Variants in NXPH1 observed in about 807,000 individuals in gnomAD.
The protein encoded by NXPH1 is neurexophilin 1.
In NXPH1, 5 loss-of-function variants were observed where a neutral mutation model predicts 23.7. The ratio of observed to expected loss-of-function variants is 0.21; its 90% CI spans 0.11 to 0.44. The LOEUF is 0.44. Ranked by LOEUF, NXPH1 falls within the 20% of genes least tolerant of loss-of-function variation. NXPH1 has a pLI of 0.99. For synonymous variants in NXPH1, 144 were observed against 122.2 expected, an observed-to-expected ratio of 1.18 and a Z score of -1.18; for missense variants, 324 against 321.6, an observed-to-expected ratio of 1.01 and a Z score of -0.06.
chr7:8,478,523 A>G (rs1196953743), intron 2 of NXPH1, among the ~76,000 whole-genome samples: 1 of 152,098 alleles, frequency 6.6e-6, no homozygotes, highest in East Asian at 1.9e-4. Context: ...TTTTGTAAAG[A>G]AAGATCCAAC....
intron 2 of NXPH1, among the ~76,000 whole-genome samples, chr7:8,529,023 C>T (rs1011120291): frequency 6.6e-6 from 1 of 152,222 alleles, no homozygotes; most frequent in African/African-American, 2.4e-5. Context: ...CAGTTGTTGG[C>T]AGAATTTAGC....
chr7:8,652,262 C>A (rs1317951272), intron 2 of NXPH1, among the ~76,000 whole-genome samples: 1 of 152,076 alleles, frequency 6.6e-6, no homozygotes, highest in African/African-American at 2.4e-5. Flanking sequence ...CAAGAAATAA[C>A]CAATGCTACA....
Position 8,645,279 on chromosome 7 carries a change from C to T in NXPH1, c.55-105729C>T, listed in dbSNP as rs953428366. Among the ~76,000 whole-genome samples, 33 of 152,110 alleles carry T rather than the reference C, an allele frequency of 2.2e-4. 1 individual carries two copies. Among genetic ancestry groups the T allele is most frequent in the African/African-American group, 7.5e-4 (31 of 41,516 alleles). ...CCAAAAGTTGTACCCAGTACATTTCCACAAGTTCTATGTCAAAGTTTTCAA... is the reference window on the plus strand; with the variant it reads ...CCAAAAGTTGTACCCAGTACATTTCTACAAGTTCTATGTCAAAGTTTTCAA... On this transcript the variant is annotated intron_variant, in intron 2 of 2. Transcript: ENST00000405863.
chr7:8,619,852 TACA>T (rs1392759464), intron 2 of NXPH1, among the ~76,000 whole-genome samples: 1 of 152,210 alleles, frequency 6.6e-6, no homozygotes, highest in East Asian at 1.9e-4. Context: ...ATCTCTATTT[TACA>T]ACAAGGAAGA....
At chr7:8,748,233 T>C (rs1464035829) in intron 2 of NXPH1, among the ~76,000 whole-genome samples, 11 of 152,338 alleles carry the variant, frequency 7.2e-5, no homozygotes, top group African/African-American at 2.6e-4. Flanking sequence ...ATGTGGTCCA[T>C]TTCTGCGATA....
At chr7:8,530,567 G>A (rs997566499) in intron 2 of NXPH1, among the ~76,000 whole-genome samples, 5 of 152,172 alleles carry the variant, frequency 3.3e-5, no homozygotes, top group African/African-American at 7.2e-5. Flanking sequence ...CCAGAAGGTC[G>A]TCTCTGAGGA....
At chr7:8,507,729 A>G (rs138670448) in intron 2 of NXPH1, among the ~76,000 whole-genome samples, 8 of 152,218 alleles carry the variant, frequency 5.3e-5, no homozygotes, top group South Asian at 2.1e-4. Flanking sequence ...AAATTAGTAC[A>G]GTTTACCAAC....
chr7:8,669,078 A>G (rs1820826244), intron 2 of NXPH1, among the ~76,000 whole-genome samples: 1 of 152,138 alleles, frequency 6.6e-6, no homozygotes, highest in African/African-American at 2.4e-5. Context: ...GAGCTTGAGT[A>G]TGTTCCAGCC....
intron 2 of NXPH1, among the ~76,000 whole-genome samples, chr7:8,479,809 T>TA (rs1396669516): frequency 6.6e-6 from 1 of 152,102 alleles, no homozygotes; most frequent in African/African-American, 2.4e-5. Flanking sequence ...TCAAAAGAGA[T>TA]AATAATTGCA....
chr7:8,684,610 A>C (rs6973655), intron 2 of NXPH1, among the ~76,000 whole-genome samples: 72 of 152,090 alleles, frequency 4.7e-4, no homozygotes, highest in African/African-American at 1.7e-3. Context: ...CTTACAGAAC[A>C]GTAACTGCAA....
At chr7:8,452,731 C>A (rs1816528864) in intron 2 of NXPH1, among the ~76,000 whole-genome samples, 1 of 152,098 alleles carries the variant, frequency 6.6e-6, no homozygotes, top group Admixed American at 6.6e-5. Flanking sequence ...AGACATATCT[C>A]AGTTTTCCTA....
chr7:8,517,869 G>C (rs140638072), intron 2 of NXPH1, among the ~76,000 whole-genome samples: 1 of 152,306 alleles, frequency 6.6e-6, no homozygotes, highest in East Asian at 1.9e-4. Flanking sequence ...GAACCGTTAG[G>C]AGTGAACAGA....
chr7:8,548,351 T>C (rs556604967), intron 2 of NXPH1, among the ~76,000 whole-genome samples: 50 of 151,692 alleles, frequency 3.3e-4, no homozygotes, highest in African/African-American at 1.2e-3. Flanking sequence ...CGACATTTTT[T>C]TCTTTAAGAA....
chr7:8,610,759 A>G (rs1562425057), intron 2 of NXPH1, among the ~76,000 whole-genome samples: 1 of 152,038 alleles, frequency 6.6e-6, no homozygotes, highest in Non-Finnish European at 1.5e-5. Flanking sequence ...AACTTAGAAC[A>G]ACTGAATTAG....
In NXPH1 at chr7:8,438,328, A is replaced by G. The variant is rs571222795; in HGVS notation, c.54+2561A>G. 2.6e-5 allele frequency among the ~76,000 whole-genome samples: 4 copies of G among 152,384 alleles called. No individual in the cohort carries two copies. In the South Asian group the frequency reaches 8.3e-4, roughly 32 times the overall value. On this transcript the variant is annotated intron_variant, in intron 2 of 2. Transcript: ENST00000405863. ...CATTGGAAGATCTTATCCCTTTGTA[A>G]GAACCTGCACTGGATGCATACAGAT...
intron 2 of NXPH1, among the ~76,000 whole-genome samples, chr7:8,439,705 T>A (rs1343585343): frequency 6.6e-6 from 1 of 152,178 alleles, no homozygotes; most frequent in East Asian, 1.9e-4. Flanking sequence ...CTACACCAAT[T>A]GTTTAATAGA....
chr7:8,542,940 G>A (rs1818142858), intron 2 of NXPH1, among the ~76,000 whole-genome samples: 1 of 151,554 alleles, frequency 6.6e-6, no homozygotes, highest in Non-Finnish European at 1.5e-5. Context: ...AAGGTATAAT[G>A]CATAGCGTAA....
intron 2 of NXPH1, among the ~76,000 whole-genome samples, chr7:8,708,908 T>C (rs1465984237): frequency 6.6e-6 from 1 of 152,166 alleles, no homozygotes; most frequent in Non-Finnish European, 1.5e-5. Flanking sequence ...CCACAGGCCC[T>C]ACCTGTAGAT....
intron 2 of NXPH1, among the ~76,000 whole-genome samples, chr7:8,747,922 G>A (rs1206258123): frequency 1.3e-5 from 2 of 152,180 alleles, no homozygotes; most frequent in Non-Finnish European, 2.9e-5. Context: ...GAAAGCTGTA[G>A]TTGTTTTTAT....
Sources: gnomAD v4.1 joint callset for allele counts (sites outside exome capture counted in the v4.1 genomes callset) on GRCh38, gnomAD v4.1.1 for gene constraint, MANE v1.5 for transcripts, NCBI Gene and HGNC (gene_info 2026-07-23, HGNC 2026-07-21) for gene names.